The following DNAJC13 variants were observed in gnomAD, a reference collection of about 807,000 sequenced individuals.
The protein encoded by DNAJC13 is dnaJ homolog subfamily C member 13.
In DNAJC13, 75 loss-of-function variants were observed where a neutral mutation model predicts 290.5. That is an observed-to-expected ratio of 0.26 (90% CI 0.21 to 0.31). DNAJC13 has a LOEUF of 0.31. Among genes scored for constraint, DNAJC13 ranks in the 10% least tolerant of loss-of-function variants. The pLI is 1.00. For missense variants in DNAJC13, 2,260 were observed against 2,674.5 expected (o/e 0.85, Z 3.42); for synonymous variants, 862 against 892.0 (o/e 0.97, Z 0.60).
intron 13 of DNAJC13, among the ~76,000 whole-genome samples, chr3:132,459,902 T>C (rs1933733914): frequency 6.6e-6 from 1 of 152,184 alleles, no homozygotes; most frequent in East Asian, 1.9e-4. Flanking sequence ...CAAGTATTTG[T>C]TGTTAATTTT....
rs374841294 is a variant in DNAJC13 at position 132,503,253 on chromosome 3, C to T, written c.4756C>T (p.Leu1586=). ...NSLAKLSVHA[L]SRLGGYLAEE... is the part of the protein sequence containing the mutation. The stretch of plus-strand genomic sequence containing the variant: ...CCTTGCCAAACTGAGTGTCCATGCT[C>T]TGAGTCGCCTTGGAGGGTATTTGGC... The change falls in exon 41 of 56, where the codon CTG becomes TTG. Residue 1586 remains leucine, a synonymous_variant. Coordinates refer to ENST00000260818, the MANE Select transcript of DNAJC13 (RefSeq NM_015268.4). 1.2e-6 allele frequency: 2 copies of T among 1,613,998 alleles called. No homozygotes were observed. Among genetic ancestry groups the T allele is most frequent in the African/African-American group, 1.3e-5 (1 of 74,926 alleles).
At chr3:132,503,537 G>GC (rs1935489951) in intron 41 of DNAJC13, among the ~76,000 whole-genome samples, 156 bp downstream of exon 41, 2 of 152,188 alleles carry the variant, frequency 1.3e-5, no homozygotes, top group Admixed American at 1.3e-4. Flanking sequence ...ATGGATTGAT[G>GC]CTAATGATGT....
chr3:132,506,541 C>CT (rs34151394), intron 42 of DNAJC13, among the ~76,000 whole-genome samples: 3,080 of 54,668 alleles, frequency 0.056, 1,096 homozygotes, highest in African/African-American at 0.066. Flanking sequence ...CAGTGTATTA[C>CT]TTTTTTTTTT....
In DNAJC13 at chr3:132,417,613, G is replaced by C. The variant is rs1559859739; in HGVS notation, c.-161G>C. ...GGAGGCAGCGCCGCGGCGGCACCAGGAACCCGCGGCAGCGGAGCTGCAGGG... is the reference window on the plus strand; with the variant it reads ...GGAGGCAGCGCCGCGGCGGCACCAGCAACCCGCGGCAGCGGAGCTGCAGGG... On this transcript the variant is annotated 5_prime_UTR_variant, in exon 1 of 56. Coordinates refer to ENST00000260818, the MANE Select transcript of DNAJC13 (RefSeq NM_015268.4). The C allele has an allele frequency of 6.6e-6, 1 of 152,516 alleles. No individual in the cohort carries two copies. The highest frequency in any genetic ancestry group is 2.1e-4 in the South Asian group (1 of 4,852). The allele number at this position is 152,516 out of a possible 1,614,324, so 9.4% of individuals were successfully genotyped here. A position where few individuals can be genotyped will look rare whatever the true frequency, so the allele number is the denominator to read the frequency against.
chr3:132,496,725 A>G (rs901974940), intron 36 of DNAJC13, 62 bp downstream of exon 36: 2 of 1,356,892 alleles, frequency 1.5e-6, no homozygotes, highest in Non-Finnish European at 2.0e-6. Context: ...AGCTAACCCT[A>G]TACCATATTA....
chr3:132,460,429 G>A (rs900816536), intron 14 of DNAJC13, 72 bp downstream of exon 14: 32 of 1,076,914 alleles, frequency 3.0e-5, no homozygotes, highest in African/African-American at 8.1e-5. Context: ...GAAGTGCCAC[G>A]TGGATGATTT....
At chr3:132,537,149 T>C (rs1936617302) in intron 55 of DNAJC13, 1 of 456,280 alleles carries the variant, frequency 2.2e-6, no homozygotes, top group South Asian at 1.5e-5. Context: ...ATTTCTTTTT[T>C]CCCCTCAGGT....
chr3:132,518,007 A>G (rs902856542), intron 48 of DNAJC13, among the ~76,000 whole-genome samples: 2 of 152,212 alleles, frequency 1.3e-5, no homozygotes, highest in Non-Finnish European at 2.9e-5. Context: ...AGCTAGAGCT[A>G]GGTAGCACAT....
chr3:132,496,647 C>T lies in DNAJC13; in HGVS notation c.4140C>T (p.Phe1380=). ...TTCTAAAAACACAGAGCATCCTCTT[C>T]AACCGTCATAAAGAAGGTAAGATGT... ...ILILKTQSIL[F]NRHKEDLQPY... The change falls in exon 36 of 56, where the codon TTC becomes TTT. Residue 1380 remains phenylalanine (F), a synonymous_variant. Coordinates refer to ENST00000260818, the MANE Select transcript of DNAJC13 (RefSeq NM_015268.4). 9 of 1,607,764 alleles carry T rather than the reference C, an allele frequency of 5.6e-6. No individual in the cohort carries two copies. Among genetic ancestry groups the T allele is most frequent in the Non-Finnish European group, 6.8e-6 (8 of 1,177,682 alleles).
intron 29 of DNAJC13, among the ~76,000 whole-genome samples, chr3:132,487,241 A>AAATT (rs75511812): frequency 6.6e-6 from 1 of 151,970 alleles, no homozygotes; most frequent in South Asian, 2.1e-4. Flanking sequence ...TCTTTATTGT[A>AAATT]AATTAATTAA....
At chr3:132,523,845 A>T in intron 51 of DNAJC13, 132 bp downstream of exon 51, 1 of 830,742 alleles carries the variant, frequency 1.2e-6, no homozygotes. Context: ...AGCCACATTT[A>T]AATTCACATA....
Position 132,483,451 on chromosome 3 carries a change from C to T in DNAJC13, c.3056C>T (p.Pro1019Leu). The T allele has an allele frequency of 1.2e-6, 2 of 1,614,118 alleles. No individual in the cohort carries two copies. The highest frequency in any genetic ancestry group is 1.7e-6 in the Non-Finnish European group (2 of 1,180,004). Residue 1019 changes from proline (P) to leucine (L), a missense_variant, in exon 28 of 56, where the codon CCA becomes CTA. Coordinates refer to ENST00000260818, the MANE Select transcript of DNAJC13 (RefSeq NM_015268.4). The stretch of plus-strand genomic sequence containing the variant: ...GCTCAAGGCATGGATGGATGGCGAC[C>T]ACTTCAGTCCATACCCCAGCTTAAG... ...CWAQGMDGWRPLQSIPQLKWC... is the reference protein window; with the variant it reads ...CWAQGMDGWRLLQSIPQLKWC...
At chr3:132,459,486 T>G (rs759855130) in intron 13 of DNAJC13, among the ~76,000 whole-genome samples, 1 of 152,164 alleles carries the variant, frequency 6.6e-6, no homozygotes, top group Non-Finnish European at 1.5e-5. Context: ...TGAAAAAAGT[T>G]CTAGCGATGG....
chr3:132,521,246 CA>C (rs58866442), intron 48 of DNAJC13, among the ~76,000 whole-genome samples: 1,878 of 145,354 alleles, frequency 0.013, 36 homozygotes, highest in African/African-American at 0.044. Flanking sequence ...AAAAGAAAAA[CA>C]AAAAAAAAAG....
chr3:132,447,254 T>G, intron 3 of DNAJC13, 67 bp from the exon 4 acceptor site: 1 of 1,293,024 alleles, frequency 7.7e-7, no homozygotes, highest in East Asian at 2.8e-5. Flanking sequence ...GAAATTAAAG[T>G]GACAAAAATA....
chr3:132,466,792 T>G (rs965599485), intron 19 of DNAJC13, among the ~76,000 whole-genome samples: 1 of 152,170 alleles, frequency 6.6e-6, no homozygotes, highest in East Asian at 1.9e-4. Context: ...AAAAAAGTTA[T>G]AGGTAGGGTT....
rs1195810316 is a variant in DNAJC13, at chr3:132,538,368, C to T, written c.*86C>T. 2.0e-6 allele frequency: 2 copies of T among 979,710 alleles called. No individual in the cohort carries two copies. Among genetic ancestry groups the T allele is most frequent in the Admixed American group, 2.3e-5 (1 of 44,330 alleles). The allele number at this position is 979,710 out of a possible 1,614,324, so 60.7% of individuals were successfully genotyped here. On this transcript the variant is annotated 3_prime_UTR_variant, in exon 56 of 56. Transcript: ENST00000260818. The stretch of plus-strand genomic sequence containing the variant: ...GATACGTTGAAGCAAACTCTTACTG[C>T]CTTTCTCCTGGTTTCATGACAGTGT...
Position 132,482,289 on chromosome 3 carries a change from A to C in DNAJC13, c.2938A>C (p.Asn980His). 6.2e-7 allele frequency: 1 copy of C among 1,613,872 alleles called. No individual in the cohort carries two copies. The highest frequency in any genetic ancestry group is 8.5e-7 in the Non-Finnish European group (1 of 1,179,816). Residue 980 changes from asparagine to histidine, a missense_variant, in exon 27 of 56, where the codon AAC becomes CAC. Physicochemically the swap from Asn to His is moderately conservative, Grantham distance 68. Around this residue, in one of 3 missense-constraint regions of DNAJC13, gnomAD observed 1,494 missense variants for 1,693.7 expected, o/e 0.88. Transcript: ENST00000260818. Reference sequence around the variant, plus strand: ...GAGTGAAAAGGAATGGTATTTTGGCAACGCAGACAAAGAAAGGAGTGGCCC... The same window carrying C: ...GAGTGAAAAGGAATGGTATTTTGGCCACGCAGACAAAGAAAGGAGTGGCCC... The part of the protein sequence containing the change: ...RESEKEWYFG[N>H]ADKERSGPYG...
chr3:132,470,846 T>A (rs13314903), intron 20 of DNAJC13, among the ~76,000 whole-genome samples: 1 of 59,946 alleles, frequency 1.7e-5, no homozygotes, highest in African/African-American at 5.7e-5. Context: ...GGGGGGCTGA[T>A]CCCCCCACCT....
Sources: gnomAD v4.1 joint callset for allele counts (sites outside exome capture counted in the v4.1 genomes callset) on GRCh38, gnomAD v4.1.1 for gene constraint, gnomAD v4.1.1 regional missense constraint, MANE v1.5 for transcripts, NCBI Gene and HGNC (gene_info 2026-07-23, HGNC 2026-07-21) for gene names.